Variants in GLIS1 observed in about 807,000 individuals in gnomAD.
GLIS1 encodes the protein zinc finger protein GLIS1.
In GLIS1, 24 loss-of-function variants were observed where a neutral mutation model predicts 63.8. That is an observed-to-expected ratio of 0.38 (90% CI 0.27 to 0.53). The LOEUF (loss-of-function observed/expected upper bound fraction) is 0.53, where lower values mean the gene tolerates loss of function less well. Among genes scored for constraint, GLIS1 ranks in the 20% least tolerant of loss-of-function variants. The pLI is 0.85. For missense variants in GLIS1, 1,036 were observed against 1,074.1 expected, an observed-to-expected ratio of 0.96 and a Z score of 0.50; for synonymous variants, 450 against 482.5, an observed-to-expected ratio of 0.93 and a Z score of 0.88.
intron 4 of GLIS1, among the ~76,000 whole-genome samples, chr1:53,545,363 A>G (rs1255272072): frequency 2.0e-5 from 3 of 152,280 alleles, no homozygotes; most frequent in African/African-American, 7.2e-5. Flanking sequence ...GAGTCCCCAA[A>G]GCCTGACCTG....
At chr1:53,660,921 C>T (rs1216118580) in intron 2 of GLIS1, among the ~76,000 whole-genome samples, 1 of 152,132 alleles carries the variant, frequency 6.6e-6, no homozygotes, top group African/African-American at 2.4e-5. Context: ...GCAGCCAAGA[C>T]AGGATTCACC....
At chr1:53,627,581 C>A (rs78074913) in intron 2 of GLIS1, among the ~76,000 whole-genome samples, 1 of 152,174 alleles carries the variant, frequency 6.6e-6, no homozygotes, top group African/African-American at 2.4e-5. Flanking sequence ...AAATCCCTTT[C>A]GACAGATTAA....
chr1:53,604,930 G>GTATATATATATATA, intron 2 of GLIS1, among the ~76,000 whole-genome samples: 2 of 11,212 alleles, frequency 1.8e-4, no homozygotes, highest in East Asian at 2.8e-3. Flanking sequence ...GTGTGTGTGT[G>GTATATATATATATA]TGTATATATA....
At chr1:53,733,839 G>T in intron 2 of GLIS1, 2 of 844,898 alleles carry the variant, frequency 2.4e-6, no homozygotes, top group Non-Finnish European at 2.8e-6. Flanking sequence ...CTTTAAAATG[G>T]ATGAAATGCA....
At chr1:53,535,035 G>A (rs1644568725) in intron 4 of GLIS1, among the ~76,000 whole-genome samples, 1 of 152,070 alleles carries the variant, frequency 6.6e-6, no homozygotes, top group East Asian at 1.9e-4. Context: ...CAAAAGCAGG[G>A]AGGCTGGAAG....
At position 53,574,624 on chromosome 1, in the gene GLIS1, A is replaced by AC. The variant is rs934830547; in HGVS notation, c.1320+19483dup. On this transcript the variant is annotated intron_variant, in intron 4 of 10. Transcript: ENST00000628545. This position sits in a 1 kb window ranked among gnomAD's most constrained non-coding sequence, Gnocchi z 4.2. ...ACTAGTTTTGGGGAAGAAGTTTCTC[A>AC]CCCTTTCTCTGCCTGGAGAGGCTGG... 1.3e-5 allele frequency among the ~76,000 whole-genome samples: 2 copies of AC among 152,016 alleles called. No homozygotes were observed. The highest frequency in any genetic ancestry group is 3.9e-4 in the East Asian group (2 of 5,190).
intron 2 of GLIS1, among the ~76,000 whole-genome samples, chr1:53,676,965 A>G (rs1357231634): frequency 6.6e-6 from 1 of 152,216 alleles, no homozygotes; most frequent in African/African-American, 2.4e-5. Flanking sequence ...GGCCTTGCTA[A>G]GGCTGATCTA....
intron 4 of GLIS1, among the ~76,000 whole-genome samples, chr1:53,578,348 A>T (rs1645052928): frequency 1.3e-5 from 2 of 152,236 alleles, no homozygotes; most frequent in African/African-American, 4.8e-5. Context: ...TAGGTCCTTC[A>T]CTACCAGTGT....
intron 2 of GLIS1, among the ~76,000 whole-genome samples, chr1:53,626,156 T>C (rs1645592003): frequency 6.6e-6 from 1 of 152,194 alleles, no homozygotes; most frequent in Non-Finnish European, 1.5e-5. Context: ...CTTCCTCTGC[T>C]ACAAGCCCAC....
chr1:53,619,713 G>A (rs1269831108), intron 2 of GLIS1, among the ~76,000 whole-genome samples: 3 of 152,262 alleles, frequency 2.0e-5, no homozygotes, highest in Non-Finnish European at 2.9e-5. Flanking sequence ...CCACAGGCCA[G>A]GAGAAGCCAT....
At chr1:53,715,685 G>A (rs1473796036) in intron 2 of GLIS1, among the ~76,000 whole-genome samples, 6 of 152,074 alleles carry the variant, frequency 3.9e-5, no homozygotes, top group Admixed American at 6.5e-5. Flanking sequence ...AGGAGCTGCC[G>A]GTGCAGGGAG....
intron 2 of GLIS1, among the ~76,000 whole-genome samples, chr1:53,691,053 C>A (rs1646399072): frequency 6.6e-6 from 1 of 152,120 alleles, no homozygotes; most frequent in Non-Finnish European, 1.5e-5. Flanking sequence ...GCCCACACTG[C>A]CTGTCAAAAA....
chr1:53,651,719 T>A (rs1645909596), intron 2 of GLIS1, among the ~76,000 whole-genome samples: 1 of 151,650 alleles, frequency 6.6e-6, no homozygotes, highest in African/African-American at 2.4e-5. Context: ...CTACAAAAAA[T>A]AAAAATTAGC....
intron 4 of GLIS1, among the ~76,000 whole-genome samples, chr1:53,535,027 A>G (rs1374972859): frequency 6.6e-6 from 1 of 152,052 alleles, no homozygotes. Flanking sequence ...AGCATGAACA[A>G]AAGCAGGGAG....
intron 10 of GLIS1, among the ~76,000 whole-genome samples, chr1:53,508,044 C>A (rs1333415137): frequency 1.3e-5 from 2 of 152,238 alleles, no homozygotes; most frequent in African/African-American, 2.4e-5. Context: ...TCCTCAAACA[C>A]AGGTGCACAC....
At chr1:53,679,536 G>A (rs1489187515) in intron 2 of GLIS1, among the ~76,000 whole-genome samples, 1 of 152,172 alleles carries the variant, frequency 6.6e-6, no homozygotes, top group Non-Finnish European at 1.5e-5. Context: ...ACCACAGGCT[G>A]CCTGGCCCCT....
intron 4 of GLIS1, among the ~76,000 whole-genome samples, chr1:53,571,807 T>C (rs1228968734): frequency 6.6e-6 from 1 of 151,950 alleles, no homozygotes; most frequent in East Asian, 1.9e-4. Flanking sequence ...CTCGATCTCC[T>C]GACCTCGTGA....
chr1:53,649,633 A>G (rs1363731401), intron 2 of GLIS1, among the ~76,000 whole-genome samples: 1 of 152,240 alleles, frequency 6.6e-6, no homozygotes, highest in Non-Finnish European at 1.5e-5. Flanking sequence ...CTTGCTTGAT[A>G]TGTACCATAG....
At chr1:53,587,628 A>G (rs1281936988) in intron 4 of GLIS1, among the ~76,000 whole-genome samples, 2 of 152,260 alleles carry the variant, frequency 1.3e-5, no homozygotes, top group Non-Finnish European at 2.9e-5. Context: ...ACTCCAAGAC[A>G]GAACAAAGAA....
Sources: allele counts gnomAD v4.1 joint callset (sites outside exome capture counted in the v4.1 genomes callset), GRCh38; gene constraint gnomAD v4.1.1; non-coding constraint Gnocchi (gnomAD v3.1); transcripts MANE v1.5; gene names NCBI Gene and HGNC (gene_info 2026-07-23, HGNC 2026-07-21).